Variants in RSU1 observed in about 807,000 individuals in gnomAD.
RSU1 encodes the protein rsu-1.
Under a neutral mutation model 31.1 loss-of-function variants are expected in RSU1, and 26 were observed. The observed-to-expected ratio is 0.84, with a 90% CI of 0.61 to 1.16. RSU1 has a LOEUF of 1.16. Ranked by LOEUF, RSU1 falls within the 50% of genes most tolerant of loss-of-function variation. The pLI is 0.00. For missense variants in RSU1, 320 were observed against 339.1 expected (o/e 0.94, Z 0.44); for synonymous variants, 164 against 136.3 (o/e 1.20, Z -1.41).
At position 16,695,166 on chromosome 10, in the gene RSU1, G is replaced by GC. The variant is rs72451149; in HGVS notation, c.599-12_599-11insG. 3.3e-5 allele frequency: 46 copies of GC among 1,381,904 alleles called. 1 individual carries two copies. In the South Asian group the frequency reaches 4.8e-4, roughly 14 times the overall value. 85.6% of individuals were successfully genotyped at this position (1,381,904 alleles called of 1,614,324 possible). ...TTAAATCCAAGTTTCCTGGGGGGGG[G>GC]GAAAAAAAAAGTGAAGGTCACTTCA... On this transcript the variant is annotated splice_polypyrimidine_tract_variant and intron_variant, in intron 7 of 8. Transcript: ENST00000345264.
rs761192591 is a variant in RSU1 at position 16,801,669 on chromosome 10, A to G, written c.109+15304T>C. 9.2e-5 allele frequency among the ~76,000 whole-genome samples: 14 copies of G among 152,256 alleles called. No homozygotes were observed. The South Asian group carries it at 1.2e-3, about 14-fold the overall frequency. ...TAAAACACCCCTTAAACTTAAGAAA[A>G]TAGAAATTATACAATATATGCTCTC... On this transcript the variant is annotated intron_variant, in intron 2 of 8. Transcript: ENST00000345264.
Position 16,701,662 on chromosome 10 carries a change from C to G in RSU1, c.599-6507G>C, listed in dbSNP as rs572328003. 2.6e-5 allele frequency among the ~76,000 whole-genome samples: 4 copies of G among 152,244 alleles called. No homozygotes were observed. The South Asian group carries it at 8.3e-4, about 32-fold the overall frequency. On this transcript the variant is annotated intron_variant, in intron 7 of 8. Coordinates refer to ENST00000345264, the MANE Select transcript of RSU1 (RefSeq NM_012425.4). ...AAGATTTAAAAAGAGAAAACCACCA[C>G]CCTACCAAATAGTTCCAACACAAGC...
chr10:16,684,807 C>T (rs924605148), intron 8 of RSU1, among the ~76,000 whole-genome samples: 2 of 152,090 alleles, frequency 1.3e-5, no homozygotes, highest in African/African-American at 4.8e-5. Flanking sequence ...AAAAGAAACA[C>T]CCAAAAGCCA....
intron 8 of RSU1, among the ~76,000 whole-genome samples, chr10:16,654,361 C>CAAAAAAAAAAAAA (rs536600415): frequency 1.1e-5 from 1 of 92,262 alleles, no homozygotes; most frequent in Non-Finnish European, 2.3e-5. Flanking sequence ...CCTAAATTTG[C>CAAAAAAAAAAAAA]AAAAAAAAAA....
At chr10:16,773,483 G>A (rs947005991) in intron 3 of RSU1, among the ~76,000 whole-genome samples, 4 of 152,132 alleles carry the variant, frequency 2.6e-5, no homozygotes, top group Non-Finnish European at 4.4e-5. Flanking sequence ...GGAACGCTTC[G>A]TCCATGGAGC....
chr10:16,594,843 G>A (rs1338587624), intron 8 of RSU1, among the ~76,000 whole-genome samples: 2 of 142,490 alleles, frequency 1.4e-5, no homozygotes, highest in African/African-American at 5.3e-5. Flanking sequence ...GGAGTGCAGT[G>A]GTGTGATCTT....
chr10:16,687,729 T>C (rs1460755744), intron 8 of RSU1, among the ~76,000 whole-genome samples: 2 of 152,056 alleles, frequency 1.3e-5, no homozygotes, highest in African/African-American at 4.8e-5. Flanking sequence ...TTATTATTAT[T>C]ATTATTTTGA....
chr10:16,668,618 GT>G lies in RSU1; in HGVS notation c.731+26404del, dbSNP rs1236230550. Among the ~76,000 whole-genome samples the G allele has an allele frequency of 5.3e-5, 8 of 152,046 alleles. No individual in the cohort carries two copies. In the South Asian group the frequency reaches 8.3e-4, roughly 16 times the overall value. On this transcript the variant is annotated intron_variant, in intron 8 of 8. Transcript: ENST00000345264. ...TGAACATGGTTTTTTTTCCCCCCAA[GT>G]TTTACTGCTTTCCCTGGTTCTCAGT... is the stretch of plus-strand genomic sequence containing the variant.
chr10:16,618,477 T>C (rs1311562532), intron 8 of RSU1, among the ~76,000 whole-genome samples: 1 of 152,212 alleles, frequency 6.6e-6, no homozygotes, highest in Non-Finnish European at 1.5e-5. Flanking sequence ...CATTACTGGG[T>C]ATATACCCAA....
intron 2 of RSU1, among the ~76,000 whole-genome samples, chr10:16,813,540 G>C (rs1178876935): frequency 6.6e-6 from 1 of 152,170 alleles, no homozygotes; most frequent in Non-Finnish European, 1.5e-5. Context: ...CATTTAATGT[G>C]CATTATTGCA....
chr10:16,746,045 T>C (rs1340137614), intron 7 of RSU1, among the ~76,000 whole-genome samples: 2 of 152,226 alleles, frequency 1.3e-5, no homozygotes, highest in African/African-American at 2.4e-5. Context: ...GATTAAGAGA[T>C]ATAACAAGAG....
intron 8 of RSU1, among the ~76,000 whole-genome samples, chr10:16,693,475 AC>A (rs1835606050): frequency 6.6e-6 from 1 of 150,958 alleles, no homozygotes; most frequent in South Asian, 2.1e-4. Context: ...TATTTCTGAT[AC>A]CAAAAAAAAA....
chr10:16,600,131 C>T (rs531304675), intron 8 of RSU1, among the ~76,000 whole-genome samples: 6 of 152,168 alleles, frequency 3.9e-5, no homozygotes, highest in Admixed American at 2.0e-4. Context: ...GAACAGGCTT[C>T]TGTCACTGAA....
At chr10:16,637,690 A>G (rs1834368091) in intron 8 of RSU1, among the ~76,000 whole-genome samples, 1 of 152,162 alleles carries the variant, frequency 6.6e-6, no homozygotes, top group Admixed American at 6.6e-5. Flanking sequence ...TATGAAGAGA[A>G]GCCATTCTAG....
chr10:16,718,849 C>T (rs559303955), intron 7 of RSU1, among the ~76,000 whole-genome samples: 15 of 151,922 alleles, frequency 9.9e-5, no homozygotes, highest in South Asian at 4.2e-4. Context: ...GGCATGGTGG[C>T]GGACACATGT....
intron 2 of RSU1, among the ~76,000 whole-genome samples, chr10:16,801,980 C>T (rs910900469): frequency 6.6e-6 from 1 of 151,652 alleles, no homozygotes; most frequent in African/African-American, 2.4e-5. Context: ...TACCTCTGCA[C>T]CAACCTAATA....
intron 8 of RSU1, among the ~76,000 whole-genome samples, chr10:16,598,420 C>T (rs535821350): frequency 5.9e-5 from 9 of 152,032 alleles, no homozygotes; most frequent in African/African-American, 2.2e-4. Flanking sequence ...TGTGGTGGAG[C>T]ACACCTGTAG....
chr10:16,705,657 T>C (rs546544820), intron 7 of RSU1, among the ~76,000 whole-genome samples: 6 of 152,046 alleles, frequency 3.9e-5, no homozygotes, highest in South Asian at 4.2e-4. Flanking sequence ...CTCAGCTAAT[T>C]TTTGTATTTT....
At chr10:16,648,594 G>T (rs1834621822) in intron 8 of RSU1, among the ~76,000 whole-genome samples, 2 of 152,110 alleles carry the variant, frequency 1.3e-5, no homozygotes, top group Admixed American at 6.5e-5. Context: ...GAGATGAACA[G>T]ATGGCTAAAG....
Sources: gnomAD v4.1 joint callset for allele counts (sites outside exome capture counted in the v4.1 genomes callset) on GRCh38, gnomAD v4.1.1 for gene constraint, MANE v1.5 for transcripts, NCBI Gene and HGNC (gene_info 2026-07-23, HGNC 2026-07-21) for gene names.